The following CHODL variants were observed in gnomAD, a reference collection of about 807,000 sequenced individuals.
CHODL encodes transmembrane protein MT75.
In CHODL, 29 loss-of-function variants were observed where a neutral mutation model predicts 34.5. The ratio of observed to expected loss-of-function variants is 0.84; its 90% CI spans 0.63 to 1.15. The LOEUF (loss-of-function observed/expected upper bound fraction) is 1.15. CHODL is among the 50% of genes most tolerant of loss of function. CHODL has a pLI of 0.00. For missense variants in CHODL, 332 were observed against 332.5 expected, an observed-to-expected ratio of 1.00 and a Z score of 0.01; for synonymous variants, 125 against 116.1, an observed-to-expected ratio of 1.08 and a Z score of -0.49.
rs1281397362 is a variant in CHODL at position 18,266,211 on chromosome 21, G to T, written c.*173G>T. On this transcript the variant is annotated 3_prime_UTR_variant, in exon 6 of 6. Transcript: ENST00000299295. ...TTATATGTCTATTATTTCATTTAAA[G>T]AATATGCTGTGCTAATAATGGAGTG... 2.6e-6 allele frequency: 4 copies of T among 1,531,530 alleles called. No homozygotes were observed. The Admixed American group carries it at 6.1e-5, about 23-fold the overall frequency. 94.9% of individuals were successfully genotyped at this position (1,531,530 alleles called of 1,614,324 possible).
At chr21:17,929,776 T>C (rs1326058120) in intron 1 of CHODL, among the ~76,000 whole-genome samples, 2 of 152,240 alleles carry the variant, frequency 1.3e-5, no homozygotes, top group Non-Finnish European at 2.9e-5. Context: ...TTTTCATTCC[T>C]GAAACGCTGC....
intron 1 of CHODL, among the ~76,000 whole-genome samples, chr21:18,250,919 A>AT (rs1322231452): frequency 1.3e-5 from 2 of 151,712 alleles, no homozygotes; most frequent in African/African-American, 4.8e-5. Flanking sequence ...TGTCTTTTAT[A>AT]TTTTTATTGA....
chr21:18,108,512 C>G (rs1047613366), intron 2 of CHODL, among the ~76,000 whole-genome samples: 18 of 152,144 alleles, frequency 1.2e-4, no homozygotes. Flanking sequence ...TGATCAGCCC[C>G]AGATGAGGGT....
chr21:17,968,900 G>T (rs1358892945), intron 1 of CHODL, among the ~76,000 whole-genome samples: 1 of 152,148 alleles, frequency 6.6e-6, no homozygotes, highest in Non-Finnish European at 1.5e-5. Context: ...AAGGGCCCTT[G>T]GGAATAAGAA....
chr21:17,938,923 AG>A, intron 1 of CHODL, among the ~76,000 whole-genome samples: 1 of 152,182 alleles, frequency 6.6e-6, no homozygotes, highest in East Asian at 1.9e-4. Context: ...GTTTCCACAT[AG>A]GTATTATTTA....
At chr21:18,056,514 G>A (rs2064582969) in intron 2 of CHODL, among the ~76,000 whole-genome samples, 1 of 150,454 alleles carries the variant, frequency 6.6e-6, no homozygotes, top group East Asian at 1.9e-4. Context: ...ATTCCCTAAG[G>A]TGTTATAATT....
chr21:18,182,750 T>C (rs1383339567), intron 2 of CHODL, among the ~76,000 whole-genome samples: 1 of 152,184 alleles, frequency 6.6e-6, no homozygotes, highest in Non-Finnish European at 1.5e-5. Flanking sequence ...GTAAGTGCAT[T>C]AGTCCTTCCT....
At chr21:18,157,921 A>T (rs950258091) in intron 2 of CHODL, among the ~76,000 whole-genome samples, 2 of 152,112 alleles carry the variant, frequency 1.3e-5, no homozygotes, top group African/African-American at 4.8e-5. Flanking sequence ...CAAAATAGAT[A>T]AAAAACTGAA....
At chr21:18,102,254 G>A (rs531838146) in intron 2 of CHODL, among the ~76,000 whole-genome samples, 10 of 152,124 alleles carry the variant, frequency 6.6e-5, no homozygotes, top group Non-Finnish European at 1.5e-4. Context: ...TCCAGGGAAC[G>A]CCCAACACTT....
chr21:17,942,079 A>G (rs7284040), intron 1 of CHODL, among the ~76,000 whole-genome samples: 52,299 of 152,052 alleles, frequency 0.34, 9,425 homozygotes, highest in South Asian at 0.49. Flanking sequence ...GATCATAACA[A>G]CACTAGCCAT....
At chr21:17,978,684 C>G (rs570745950) in intron 1 of CHODL, among the ~76,000 whole-genome samples, 18 of 151,152 alleles carry the variant, frequency 1.2e-4, no homozygotes, top group Middle Eastern at 3.4e-3. Context: ...TGCCACTGCC[C>G]TCCAGCCCGG....
chr21:18,228,386 C>A (rs1302656893), intron 2 of CHODL, among the ~76,000 whole-genome samples: 1 of 152,012 alleles, frequency 6.6e-6, no homozygotes, highest in Non-Finnish European at 1.5e-5. Context: ...CTATAAGTGA[C>A]AAAATGGTGA....
intron 1 of CHODL, among the ~76,000 whole-genome samples, chr21:17,988,843 A>G (rs1037115201): frequency 6.6e-6 from 1 of 151,960 alleles, no homozygotes; most frequent in African/African-American, 2.4e-5. Context: ...ATTGTGAATA[A>G]TGCCGCAATA....
At chr21:17,967,015 G>C (rs2063577588) in intron 1 of CHODL, among the ~76,000 whole-genome samples, 1 of 151,844 alleles carries the variant, frequency 6.6e-6, no homozygotes, top group African/African-American at 2.4e-5. Flanking sequence ...CTCCCAAGTA[G>C]CTGGGATTAC....
In CHODL at chr21:18,186,683, A is replaced by G. The variant is rs1168918366; in HGVS notation, c.-44-69826A>G. Among the ~76,000 whole-genome samples, 9 of 152,330 alleles carry G rather than the reference A, an allele frequency of 5.9e-5. No individual in the cohort carries two copies. In the East Asian group the frequency reaches 1.5e-3, roughly 26 times the overall value. On this transcript the variant is annotated intron_variant, in intron 2 of 6. Transcript: ENST00000400127. ...TTTAGGAGTCTCAATAATACCAAAC[A>G]TTGAAAGCATTCGATTTGTTATCAT...
chr21:18,071,306 C>A (rs1438912444), intron 2 of CHODL, among the ~76,000 whole-genome samples: 1 of 151,934 alleles, frequency 6.6e-6, no homozygotes, highest in Non-Finnish European at 1.5e-5. Context: ...GCCACCACAC[C>A]TGGCTAATTT....
intron 1 of CHODL, among the ~76,000 whole-genome samples, chr21:17,940,719 C>T (rs1331660755): frequency 6.6e-6 from 1 of 152,154 alleles, no homozygotes; most frequent in Non-Finnish European, 1.5e-5. Flanking sequence ...GGTGTTGTTA[C>T]CAAGAGAAAT....
chr21:18,009,887 CA>C (rs71189575), intron 1 of CHODL, among the ~76,000 whole-genome samples: 101 of 94,700 alleles, frequency 1.1e-3, no homozygotes, highest in Admixed American at 1.1e-3. Context: ...GACTCCGTCT[CA>C]AAAAAAAAAA....
intron 2 of CHODL, among the ~76,000 whole-genome samples, chr21:18,165,255 A>C (rs895747450): frequency 6.6e-6 from 1 of 152,214 alleles, no homozygotes; most frequent in Admixed American, 6.5e-5. Flanking sequence ...TGACAGAAAA[A>C]ATCACCATCA....
Sources: allele counts gnomAD v4.1 joint callset (sites outside exome capture counted in the v4.1 genomes callset), GRCh38; gene constraint gnomAD v4.1.1; transcripts MANE v1.5; gene names NCBI Gene and HGNC (gene_info 2026-07-23, HGNC 2026-07-21).